The following WASF3 variants were observed in gnomAD, a reference collection of about 807,000 sequenced individuals.
WASF3 encodes the protein actin-binding protein WASF3.
In WASF3, 11 loss-of-function variants were observed where a neutral mutation model predicts 46.6. The ratio of observed to expected loss-of-function variants is 0.24; its 90% confidence interval spans 0.15 to 0.39. The LOEUF (loss-of-function observed/expected upper bound fraction) is 0.39, where lower values mean the gene tolerates loss of function less well. Ranked by LOEUF, WASF3 falls within the 10% of genes least tolerant of loss-of-function variation. The pLI is 1.00. For missense variants in WASF3, 576 were observed against 669.8 expected (o/e 0.86, Z 1.55); for synonymous variants, 242 against 259.7 (o/e 0.93, Z 0.65).
At chr13:26,660,711 A>AT (rs746639702) in intron 3 of WASF3, among the ~76,000 whole-genome samples, 1 of 152,136 alleles carries the variant, frequency 6.6e-6, no homozygotes, top group Non-Finnish European at 1.5e-5. Context: ...TTTAAAAAAA[A>AT]CTGTGATAAA....
chr13:26,682,981 G>GGAGCCCCCA lies in WASF3; in HGVS notation c.1351+10_1351+18dup, dbSNP rs1883288645. On this transcript the variant is annotated splice_region_variant and intron_variant, in intron 9 of 9. Transcript: ENST00000335327. This position sits in a 1 kb window ranked among gnomAD's most constrained non-coding sequence, Gnocchi z 4.4. ...CTCGCTGCTATTCGAATGGGTAAGT[G>GGAGCCCCCA]GAGCCCCCAGACACACAGCCTGCCT... 6.3e-7 allele frequency: 1 copy of GGAGCCCCCA among 1,597,036 alleles called. No individual in the cohort carries two copies. The highest frequency in any genetic ancestry group is 1.3e-5 in the African/African-American group (1 of 74,704).
intron 3 of WASF3, among the ~76,000 whole-genome samples, chr13:26,663,728 G>A (rs1882695989): frequency 6.6e-6 from 1 of 152,150 alleles, no homozygotes. Flanking sequence ...CATTTAAGCA[G>A]TAAAATATTT....
chr13:26,662,959 CGTA>C (rs1262360768), intron 3 of WASF3, among the ~76,000 whole-genome samples: 90 of 152,130 alleles, frequency 5.9e-4, no homozygotes, highest in African/African-American at 2.0e-3. Flanking sequence ...ATAGAAATGA[CGTA>C]GTCAGTTCTT....
In WASF3 at chr13:26,687,729, T is replaced by TTC. The variant is rs1431567393; in HGVS notation, c.*1885_*1886insCT. ...CTAATTTCTCTCTCTCTCTCTTTTT[T>TTC]TTTTTTTTGTTGTTGTTAAAAAGGG... On this transcript the variant is annotated 3_prime_UTR_variant, in exon 10 of 10. Transcript: ENST00000335327. 1 of 151,686 alleles carries TTC rather than the reference T, an allele frequency of 6.6e-6. No homozygotes were observed. Among genetic ancestry groups the TTC allele is most frequent in the Non-Finnish European group, 1.5e-5 (1 of 67,896 alleles). 9.4% of individuals were successfully genotyped at this position (151,686 alleles called of 1,614,324 possible).
chr13:26,622,418 C>G (rs1881334446), intron 2 of WASF3, among the ~76,000 whole-genome samples: 1 of 152,114 alleles, frequency 6.6e-6, no homozygotes, highest in South Asian at 2.1e-4. Context: ...TCCCATGAAC[C>G]CTTACTGCGG....
intron 3 of WASF3, among the ~76,000 whole-genome samples, chr13:26,647,350 A>G (rs2137423417): frequency 6.6e-6 from 1 of 152,276 alleles, no homozygotes; most frequent in Admixed American, 6.5e-5. Context: ...GCCGCTTGGC[A>G]AACAGTTTTA....
chr13:26,680,176 G>A (rs1320244310), intron 7 of WASF3: 4 of 1,589,662 alleles, frequency 2.5e-6, no homozygotes, highest in Non-Finnish European at 1.7e-6. Flanking sequence ...GGCAGGGAGC[G>A]CCAAAGAGGA....
chr13:26,678,157 A>C (rs1224004884), intron 7 of WASF3, among the ~76,000 whole-genome samples: 1 of 152,162 alleles, frequency 6.6e-6, no homozygotes, highest in Admixed American at 6.5e-5. Flanking sequence ...GTTGTCTCCT[A>C]CTATTTCCCA....
At chr13:26,556,120 T>C (rs1369376442), upstream of WASF3, among the ~76,000 whole-genome samples, 1 of 152,162 alleles carries the variant, frequency 6.6e-6, no homozygotes, top group Non-Finnish European at 1.5e-5. Flanking sequence ...ATTAGAGAGG[T>C]AAGACTGACC....
chr13:26,632,291 T>C (rs930030093), intron 2 of WASF3, among the ~76,000 whole-genome samples: 2 of 152,216 alleles, frequency 1.3e-5, no homozygotes, highest in African/African-American at 4.8e-5. Context: ...CCATTCAGTA[T>C]GATATTGGCT....
chr13:26,649,607 G>C (rs116693385), intron 3 of WASF3, among the ~76,000 whole-genome samples: 2,993 of 152,304 alleles, frequency 0.02, 99 homozygotes, highest in African/African-American at 0.068. Context: ...CAGAAACTTG[G>C]TGAGTTGCTG....
At chr13:26,640,110 T>A (rs546788365) in intron 2 of WASF3, among the ~76,000 whole-genome samples, 1 of 152,120 alleles carries the variant, frequency 6.6e-6, no homozygotes. Context: ...GGTGAGCTGT[T>A]TTCCATCTAT....
At chr13:26,604,696 A>G (rs983312159) in intron 1 of WASF3, among the ~76,000 whole-genome samples, 1 of 152,184 alleles carries the variant, frequency 6.6e-6, no homozygotes, top group East Asian at 1.9e-4. Flanking sequence ...TCAGGGATGA[A>G]TTCTAGTTAT....
At chr13:26,648,841 G>T (rs1882228628) in intron 3 of WASF3, among the ~76,000 whole-genome samples, 1 of 152,082 alleles carries the variant, frequency 6.6e-6, no homozygotes, top group African/African-American at 2.4e-5. Flanking sequence ...AAGTATAAGA[G>T]CCCCACCACC....
At chr13:26,672,518 A>T (rs945966863) in intron 6 of WASF3, among the ~76,000 whole-genome samples, 7 of 152,214 alleles carry the variant, frequency 4.6e-5, no homozygotes, top group Non-Finnish European at 7.3e-5. Context: ...AGGTTGAGAA[A>T]TATCTGCATG....
chr13:26,656,036 C>T (rs1422313323), intron 3 of WASF3, among the ~76,000 whole-genome samples: 3 of 152,024 alleles, frequency 2.0e-5, no homozygotes, highest in African/African-American at 7.3e-5. Context: ...ATCTAGGTTC[C>T]AGTGTGTGTG....
At chr13:26,680,095 A>G in intron 7 of WASF3, 1 of 1,598,240 alleles carries the variant, frequency 6.3e-7, no homozygotes, top group Non-Finnish European at 8.5e-7. Flanking sequence ...AAAAGTCAGA[A>G]CAAGAAAAGA....
the WASF3 span, among the ~76,000 whole-genome samples, chr13:26,552,457 G>A: frequency 2.2e-3 from 330 of 152,254 alleles, no homozygotes; most frequent in Middle Eastern, 6.8e-3. Context: ...TCTTTGAGAC[G>A]TAGATATGGA....
intron 2 of WASF3, among the ~76,000 whole-genome samples, chr13:26,623,963 G>A (rs555868623): frequency 6.6e-6 from 1 of 152,212 alleles, no homozygotes; most frequent in African/African-American, 2.4e-5. Context: ...CCCTGACTAG[G>A]TTGACTCAAT....
Sources: gnomAD v4.1 joint callset for allele counts (sites outside exome capture counted in the v4.1 genomes callset) on GRCh38, gnomAD v4.1.1 for gene constraint, Gnocchi (gnomAD v3.1) non-coding constraint, MANE v1.5 for transcripts, NCBI Gene and HGNC (gene_info 2026-07-23, HGNC 2026-07-21) for gene names.